Variants in PDE9A observed in about 807,000 individuals in gnomAD.
The protein encoded by PDE9A is phosphodiesterase 9A.
Under a neutral mutation model 87.4 loss-of-function variants are expected in PDE9A, and 60 were observed. That is an observed-to-expected ratio of 0.69 (90% CI 0.56 to 0.85). The LOEUF is 0.85. Among genes scored for constraint, PDE9A ranks in the 40% least tolerant of loss-of-function variants. The pLI is 0.00. For missense variants in PDE9A, 665 were observed against 779.0 expected (o/e 0.85, Z 1.74); for synonymous variants, 272 against 279.4 (o/e 0.97, Z 0.27).
rs371867954 is a variant in PDE9A, at chr21:42,719,437, C to G, written c.263-12333C>G. Among the ~76,000 whole-genome samples the G allele has an allele frequency of 1.2e-4, 18 of 151,608 alleles. No individual in the cohort carries two copies. The South Asian group carries it at 1.7e-3, about 14-fold the overall frequency. On this transcript the variant is annotated intron_variant, in intron 4 of 19. Transcript: ENST00000291539. ...ATCAACTGAGGTCAGGAGTTTGAAACCAGCCTGGCCAACATGGTGAAATCC... is the reference window on the plus strand; with the variant it reads ...ATCAACTGAGGTCAGGAGTTTGAAAGCAGCCTGGCCAACATGGTGAAATCC...
intron 14 of PDE9A, among the ~76,000 whole-genome samples, chr21:42,762,455 C>A (rs1428795987): frequency 6.6e-6 from 1 of 152,238 alleles, no homozygotes; most frequent in Admixed American, 6.5e-5. Context: ...ATCCCACTGA[C>A]CTGCACTTCC....
At chr21:42,670,904 A>G (rs182892031) in intron 1 of PDE9A, among the ~76,000 whole-genome samples, 1 of 152,236 alleles carries the variant, frequency 6.6e-6, no homozygotes, top group Non-Finnish European at 1.5e-5. Context: ...GTCTCTAGTT[A>G]TACTTCCCAT....
chr21:42,770,014 G>A (rs1178927260), intron 17 of PDE9A, among the ~76,000 whole-genome samples: 1 of 152,062 alleles, frequency 6.6e-6, no homozygotes, highest in Non-Finnish European at 1.5e-5. Context: ...ACTGGCTGTG[G>A]ACTCTCCTGT....
At chr21:42,733,036 A>G (rs1422475318) in intron 6 of PDE9A, among the ~76,000 whole-genome samples, 2 of 152,260 alleles carry the variant, frequency 1.3e-5, no homozygotes, top group Non-Finnish European at 1.5e-5. Context: ...GGACTGGACC[A>G]TCTCAACTGC....
At chr21:42,766,397 G>A (rs2056404690) in intron 15 of PDE9A, among the ~76,000 whole-genome samples, 1 of 152,126 alleles carries the variant, frequency 6.6e-6, no homozygotes, top group South Asian at 2.1e-4. Flanking sequence ...GTTTTGTGGA[G>A]CCTTGTCTAA....
At chr21:42,717,943 A>G (rs4919996) in intron 4 of PDE9A, among the ~76,000 whole-genome samples, 103,583 of 151,090 alleles carry the variant, frequency 0.69, 37,398 homozygotes, top group East Asian at 0.94. Flanking sequence ...TTTTGAGATG[A>G]AGTTTTTGCT....
At chr21:42,728,056 G>A (rs547543731) in intron 4 of PDE9A, among the ~76,000 whole-genome samples, 4 of 152,204 alleles carry the variant, frequency 2.6e-5, no homozygotes, top group East Asian at 1.9e-4. Flanking sequence ...CCAACCAACC[G>A]CTGATCAGAA....
chr21:42,689,529 C>G, intron 3 of PDE9A: 1 of 985,360 alleles, frequency 1.0e-6, no homozygotes, highest in Non-Finnish European at 1.2e-6. Flanking sequence ...CAGAGGGGAC[C>G]TCACAGAAAC....
chr21:42,751,321 G>A, intron 9 of PDE9A, 124 bp downstream of exon 9: 1 of 747,558 alleles, frequency 1.3e-6, no homozygotes, highest in South Asian at 1.5e-5. Context: ...CCCAGCCCTG[G>A]GCCGCTGACG....
intron 3 of PDE9A, chr21:42,690,083 G>A: frequency 2.0e-6 from 2 of 985,096 alleles, no homozygotes; most frequent in African/African-American, 1.7e-5. Flanking sequence ...CGCGGGTGAG[G>A]ATACAGGTGG....
Position 42,732,653 on chromosome 21 carries a change from G to T in PDE9A, c.497+529G>T, listed in dbSNP as rs185303030. ...GAATTGGCCGGGTGCGGTGGCTCAC[G>T]CCTGTAATCCCAGCACTTTGGGAGG... On this transcript the variant is annotated intron_variant, in intron 6 of 19. Transcript: ENST00000291539. Among the ~76,000 whole-genome samples the T allele has an allele frequency of 5.2e-4, 79 of 152,340 alleles. No homozygotes were observed. In the Middle Eastern group the frequency reaches 0.014, roughly 26 times the overall value.
chr21:42,727,336 G>T (rs2051234440), intron 4 of PDE9A, among the ~76,000 whole-genome samples: 1 of 151,938 alleles, frequency 6.6e-6, no homozygotes, highest in South Asian at 2.1e-4. Flanking sequence ...GTGTTTGTTT[G>T]TTTGTTTTTG....
intron 17 of PDE9A, among the ~76,000 whole-genome samples, chr21:42,770,391 C>T (rs1439910180): frequency 6.6e-6 from 1 of 152,202 alleles, no homozygotes; most frequent in Non-Finnish European, 1.5e-5. Flanking sequence ...GACCCTCAGC[C>T]GGGAGGCTGT....
At chr21:42,681,616 T>C (rs2059168896) in intron 1 of PDE9A, among the ~76,000 whole-genome samples, 1 of 152,184 alleles carries the variant, frequency 6.6e-6, no homozygotes, top group African/African-American at 2.4e-5. Flanking sequence ...AGGCATCAAT[T>C]TCCAGTGGGG....
chr21:42,670,062 T>A (rs1333711210), intron 1 of PDE9A, among the ~76,000 whole-genome samples: 1 of 151,708 alleles, frequency 6.6e-6, no homozygotes, highest in Non-Finnish European at 1.5e-5. Flanking sequence ...CACTTACACA[T>A]TCACACACTC....
chr21:42,667,017 C>T (rs571098664), intron 1 of PDE9A, among the ~76,000 whole-genome samples: 1 of 152,232 alleles, frequency 6.6e-6, no homozygotes, highest in Non-Finnish European at 1.5e-5. Flanking sequence ...CCCACTCCCC[C>T]CCGCCCCAAC....
At chr21:42,746,468 C>T (rs1012612404) in intron 8 of PDE9A, among the ~76,000 whole-genome samples, 12 of 152,214 alleles carry the variant, frequency 7.9e-5, no homozygotes, top group Non-Finnish European at 1.3e-4. Context: ...CATTCTCTGC[C>T]TGCTTCTTCA....
At chr21:42,732,771 G>A (rs1401519803) in intron 6 of PDE9A, among the ~76,000 whole-genome samples, 7 of 152,106 alleles carry the variant, frequency 4.6e-5, no homozygotes, top group South Asian at 2.1e-4. Flanking sequence ...AAAATTAGCC[G>A]GGCGTGGTGG....
intron 1 of PDE9A, among the ~76,000 whole-genome samples, chr21:42,676,669 G>C (rs2058859127): frequency 6.6e-6 from 1 of 152,188 alleles, no homozygotes; most frequent in Non-Finnish European, 1.5e-5. Context: ...CCATTGGAGG[G>C]TTGGAGGGCA....
Sources: gnomAD v4.1 joint callset for allele counts (sites outside exome capture counted in the v4.1 genomes callset) on GRCh38, gnomAD v4.1.1 for gene constraint, MANE v1.5 for transcripts, NCBI Gene and HGNC (gene_info 2026-07-23, HGNC 2026-07-21) for gene names.